Variants in AKAP13 observed in about 807,000 individuals in gnomAD.
The protein encoded by AKAP13 is A-kinase anchoring protein 13, also known as A-kinase anchor protein 13.
A neutral mutation model predicts 264.5 loss-of-function variants in AKAP13; 80 were observed. The observed-to-expected ratio is 0.30, with a 90% CI of 0.25 to 0.36. AKAP13 has a LOEUF of 0.36. AKAP13 is among the 10% of genes least tolerant of loss of function. AKAP13 has a pLI of 1.00. For missense variants in AKAP13, 3,712 were observed against 3,435.2 expected (o/e 1.08, Z -2.01); for synonymous variants, 1,380 against 1,250.2 (o/e 1.10, Z -2.19).
In AKAP13 at chr15:85,727,560, C is replaced by A; in HGVS notation, c.7087+97C>A. On this transcript the variant is annotated intron_variant, in intron 29 of 36. Transcript: ENST00000394518. This position sits in a 1 kb window ranked among gnomAD's most constrained non-coding sequence, Gnocchi z 5.3. Reference sequence around the variant, plus strand: ...TAGAGGTACGGGTTTGCCCTCAGTTCTAAAGCTGCCCCAGCAGGCACTTGA... The same window carrying A: ...TAGAGGTACGGGTTTGCCCTCAGTTATAAAGCTGCCCCAGCAGGCACTTGA... 3 of 1,342,898 alleles carry A rather than the reference C, an allele frequency of 2.2e-6. No individual in the cohort carries two copies. Among genetic ancestry groups the A allele is most frequent in the South Asian group, 1.3e-5 (1 of 78,536 alleles). The allele number at this position is 1,342,898 out of a possible 1,614,324, so 83.2% of individuals were successfully genotyped here.
chr15:85,408,390 A>G (rs1455104843), intron 1 of AKAP13, among the ~76,000 whole-genome samples: 2 of 151,792 alleles, frequency 1.3e-5, no homozygotes, highest in Non-Finnish European at 2.9e-5. Context: ...GCTCTTTCAC[A>G]TTGTCGTGCA....
At chr15:85,519,554 A>G (rs1461997698) in intron 2 of AKAP13, among the ~76,000 whole-genome samples, 1 of 152,208 alleles carries the variant, frequency 6.6e-6, no homozygotes, top group Non-Finnish European at 1.5e-5. Context: ...GCATCATGCC[A>G]AAGAAGATTA....
At chr15:85,432,757 T>C (rs1014415649) in intron 1 of AKAP13, among the ~76,000 whole-genome samples, 3 of 152,124 alleles carry the variant, frequency 2.0e-5, no homozygotes, top group Admixed American at 2.0e-4. Flanking sequence ...TCACTTTGAG[T>C]CATATTACTA....
intron 1 of AKAP13, among the ~76,000 whole-genome samples, chr15:85,404,373 C>G (rs1320004426): frequency 6.6e-6 from 1 of 152,212 alleles, no homozygotes; most frequent in African/African-American, 2.4e-5. Context: ...CAGTTTGGTT[C>G]TGCAACAACA....
intron 5 of AKAP13, among the ~76,000 whole-genome samples, chr15:85,555,027 C>T (rs2078092765): frequency 6.6e-6 from 1 of 151,664 alleles, no homozygotes; most frequent in African/African-American, 2.4e-5. Flanking sequence ...TTCTATGTTC[C>T]CTCCCCCCCA....
rs538753721 is a variant in AKAP13, at chr15:85,661,201, A to G, written c.4799+2611A>G. On this transcript the variant is annotated intron_variant, in intron 12 of 36. Coordinates refer to ENST00000394518, the MANE Select transcript of AKAP13 (RefSeq NM_007200.5). Reference sequence around the variant, plus strand: ...TTCCATGCAGTTTCCTTTATAGAACACACAATATTTTGAATTGATTATTGT... The same window carrying G: ...TTCCATGCAGTTTCCTTTATAGAACGCACAATATTTTGAATTGATTATTGT... Among the ~76,000 whole-genome samples the G allele has an allele frequency of 5.9e-5, 9 of 152,310 alleles. No homozygotes were observed. In the East Asian group the frequency reaches 1.7e-3, roughly 29 times the overall value.
chr15:85,740,268 T>C lies in AKAP13; in HGVS notation c.7604T>C (p.Leu2535Pro). ...CATCTCTACGAGCTCCTCAGCGCTCTGCAGGTGCGTGCCTTCATCTTCCAT... is the reference window on the plus strand; with the variant it reads ...CATCTCTACGAGCTCCTCAGCGCTCCGCAGGTGCGTGCCTTCATCTTCCAT... The part of the protein sequence containing the change: ...VVHLYELLSA[L>P]QGVVLQQDSY... The change falls in exon 34 of 37, where the codon CTG becomes CCG. Residue 2535 changes from leucine to proline, a missense_variant. Leu to Pro is a moderately conservative substitution (Grantham distance 98, BLOSUM62 -3). Coordinates refer to ENST00000394518, the MANE Select transcript of AKAP13 (RefSeq NM_007200.5). 1 of 1,614,044 alleles carries C rather than the reference T, an allele frequency of 6.2e-7. No individual in the cohort carries two copies. The highest frequency in any genetic ancestry group is 8.5e-7 in the Non-Finnish European group (1 of 1,179,906).
chr15:85,536,324 A>C (rs1286694977), intron 4 of AKAP13: 1 of 152,266 alleles, frequency 6.6e-6, no homozygotes, highest in Non-Finnish European at 1.5e-5. Context: ...GCTAAGATGA[A>C]GAATACCAAG....
chr15:85,499,709 A>C (rs1206756358), intron 2 of AKAP13, among the ~76,000 whole-genome samples: 1 of 150,380 alleles, frequency 6.6e-6, no homozygotes, highest in Non-Finnish European at 1.5e-5. Flanking sequence ...TTCAGGATTC[A>C]TTTCCTGCCA....
intron 2 of AKAP13, among the ~76,000 whole-genome samples, chr15:85,509,135 C>T (rs190669679): frequency 4.6e-5 from 7 of 152,258 alleles, no homozygotes; most frequent in Non-Finnish European, 1.0e-4. Flanking sequence ...ACACATATTA[C>T]AGTAAGTTTT....
intron 8 of AKAP13, among the ~76,000 whole-genome samples, chr15:85,622,213 TG>T (rs1316753136): frequency 6.6e-6 from 1 of 152,098 alleles, no homozygotes; most frequent in Admixed American, 6.5e-5. Context: ...TTGAAAGAAA[TG>T]AGTAGGGTGC....
chr15:85,526,019 A>G (rs6496050), intron 3 of AKAP13, among the ~76,000 whole-genome samples: 101,021 of 152,114 alleles, frequency 0.66, 33,626 homozygotes, highest in Middle Eastern at 0.76. Flanking sequence ...TCACAGCAAG[A>G]GTTCTTGTTT....
intron 34 of AKAP13, 71 bp from the exon 35 acceptor site, chr15:85,740,975 G>T: frequency 6.5e-7 from 1 of 1,539,660 alleles, no homozygotes; most frequent in Non-Finnish European, 8.8e-7. Flanking sequence ...CTGCTGTGGG[G>T]TCGGGAGGGA....
At chr15:85,407,674 G>T (rs1266038926) in intron 1 of AKAP13, among the ~76,000 whole-genome samples, 2 of 151,852 alleles carry the variant, frequency 1.3e-5, no homozygotes, top group East Asian at 1.9e-4. Flanking sequence ...TTTGAACTCA[G>T]TGAGCAGTGA....
At chr15:85,602,642 A>G (rs1276977185) in intron 8 of AKAP13, among the ~76,000 whole-genome samples, 1 of 151,592 alleles carries the variant, frequency 6.6e-6, no homozygotes, top group Non-Finnish European at 1.5e-5. Flanking sequence ...GATGTGCACC[A>G]CCACACCTGG....
At chr15:85,436,800 T>C (rs963056135) in intron 1 of AKAP13, among the ~76,000 whole-genome samples, 1 of 151,898 alleles carries the variant, frequency 6.6e-6, no homozygotes, top group African/African-American at 2.4e-5. Context: ...CCAGAATCTC[T>C]GGGACGCATT....
rs760988060 is a variant in AKAP13, at chr15:85,581,635, G to T, written c.3567G>T (p.Gln1189His). Residue 1189 changes from glutamine (Q) to histidine (H), a missense_variant, in exon 7 of 37, where the codon CAG becomes CAT. Coordinates refer to ENST00000394518, the MANE Select transcript of AKAP13 (RefSeq NM_007200.5). ...ATGAAGCACATCCTGTCCTACTGCA[G>T]CCTGTTGCCAAGGAGCTCCCCACAG... ...IDDEAHPVLL[Q>H]PVAKELPTDM... 9.3e-6 allele frequency: 15 copies of T among 1,614,210 alleles called. No homozygotes were observed. The East Asian group carries it at 3.1e-4, about 34-fold the overall frequency.
chr15:85,399,536 AAATAAAT>A (rs2071319845), intron 1 of AKAP13, among the ~76,000 whole-genome samples: 64 of 95,768 alleles, frequency 6.7e-4, no homozygotes, highest in African/African-American at 1.2e-3. Flanking sequence ...AAAAATAAAA[AAATAAAT>A]AAATAAATAA....
chr15:85,384,021 T>TA (rs2070427064), intron 1 of AKAP13, among the ~76,000 whole-genome samples: 1 of 152,234 alleles, frequency 6.6e-6, no homozygotes, highest in Non-Finnish European at 1.5e-5. Context: ...TTAGAATACT[T>TA]ACACTACCTA....
Sources: allele counts gnomAD v4.1 joint callset (sites outside exome capture counted in the v4.1 genomes callset), GRCh38; gene constraint gnomAD v4.1.1; non-coding constraint Gnocchi (gnomAD v3.1); transcripts MANE v1.5; gene names NCBI Gene and HGNC (gene_info 2026-07-23, HGNC 2026-07-21).